PPP3CA: variants seen among roughly 807,000 people sequenced by gnomAD.
The protein encoded by PPP3CA is protein phosphatase 3 catalytic subunit alpha.
A neutral mutation model predicts 66.5 loss-of-function variants in PPP3CA; 14 were observed. That is an observed-to-expected ratio of 0.21 (90% confidence interval 0.14 to 0.33). The LOEUF is 0.33. Ranked by LOEUF, PPP3CA falls within the 10% of genes least tolerant of loss-of-function variation. PPP3CA has a pLI of 1.00. For missense variants in PPP3CA, 317 were observed against 639.5 expected, an observed-to-expected ratio of 0.50 and a Z score of 5.44; for synonymous variants, 232 against 226.2, an observed-to-expected ratio of 1.03 and a Z score of -0.23.
intron 2 of PPP3CA, among the ~76,000 whole-genome samples, chr4:101,124,324 G>T (rs896582158): frequency 5.3e-5 from 8 of 152,000 alleles, no homozygotes; most frequent in Non-Finnish European, 1.2e-4. Flanking sequence ...GAAGTACATA[G>T]AAATAACTAT....
chr4:101,088,441 CTGGTGTGGTGG>C (rs1257933868), intron 6 of PPP3CA, among the ~76,000 whole-genome samples: 3 of 151,546 alleles, frequency 2.0e-5, no homozygotes, highest in African/African-American at 7.3e-5. Context: ...AAAAATTAGC[CTGGTGTGGTGG>C]TGGGCGCCTG....
chr4:101,139,696 G>GTTTTTTTTTTTTTTTTTTTTTT (rs372257350), intron 2 of PPP3CA, among the ~76,000 whole-genome samples: 17 of 98,400 alleles, frequency 1.7e-4, no homozygotes, highest in East Asian at 3.3e-4. Flanking sequence ...TTTTTTTTGT[G>GTTTTTTTTTTTTTTTTTTTTTT]TTTTTTTTTT....
intron 1 of PPP3CA, among the ~76,000 whole-genome samples, chr4:101,228,219 C>G (rs1340944083): frequency 1.3e-5 from 2 of 151,814 alleles, no homozygotes; most frequent in Non-Finnish European, 3.0e-5. Flanking sequence ...AAACAGAACT[C>G]TCTTTGAAAT....
chr4:101,318,478 A>G (rs1335318036), intron 1 of PPP3CA, among the ~76,000 whole-genome samples: 1 of 152,230 alleles, frequency 6.6e-6, no homozygotes, highest in Admixed American at 6.5e-5. Context: ...TTTCAGCCAA[A>G]TTGATAGGCA....
intron 1 of PPP3CA, among the ~76,000 whole-genome samples, chr4:101,308,724 C>T (rs1447032587): frequency 1.3e-5 from 2 of 151,990 alleles, no homozygotes; most frequent in Non-Finnish European, 2.9e-5. Context: ...CCACACCTGG[C>T]CCATAATTAT....
intron 1 of PPP3CA, among the ~76,000 whole-genome samples, chr4:101,295,469 C>A (rs1728174726): frequency 3.9e-5 from 6 of 152,080 alleles, no homozygotes; most frequent in Admixed American, 3.9e-4. Flanking sequence ...AAAATTAGTA[C>A]ACGCATGTTC....
intron 2 of PPP3CA, chr4:101,171,244 A>T (rs1578518003): frequency 2.2e-6 from 1 of 455,828 alleles, no homozygotes; most frequent in Non-Finnish European, 4.4e-6. Context: ...GCAGAGCTCA[A>T]TTCAGACTTA....
chr4:101,221,514 A>C (rs989188824), intron 1 of PPP3CA, among the ~76,000 whole-genome samples: 3 of 151,706 alleles, frequency 2.0e-5, no homozygotes, highest in Non-Finnish European at 4.4e-5. Context: ...GCAAGAATTT[A>C]AAAACAACCA....
At chr4:101,279,382 G>A (rs1468000627) in intron 1 of PPP3CA, among the ~76,000 whole-genome samples, 1 of 152,146 alleles carries the variant, frequency 6.6e-6, no homozygotes, top group East Asian at 1.9e-4. Flanking sequence ...GAGAAAGGCT[G>A]CAGGAGGTCC....
In PPP3CA at chr4:101,156,228, G is replaced by T. The variant is rs540105659; in HGVS notation, c.259+39688C>A. On this transcript the variant is annotated intron_variant, in intron 2 of 13. Transcript: ENST00000394854. ...TCAATCCCTCACTCTGTAACAGAGG[G>T]TGCTTCCACATCTCAACTCAGGGGG... is the stretch of plus-strand genomic sequence containing the variant. 1.5e-3 allele frequency among the ~76,000 whole-genome samples: 235 copies of T among 152,272 alleles called. 1 individual carries two copies. The highest frequency in any genetic ancestry group is 5.4e-3 in the African/African-American group (225 of 41,546).
In PPP3CA at chr4:101,347,263, G is replaced by A. The variant is rs2110350112; in HGVS notation, c.-467C>T. 4.7e-6 allele frequency: 1 copy of A among 212,936 alleles called. No individual in the cohort carries two copies. The highest frequency in any genetic ancestry group is 9.3e-6 in the Non-Finnish European group (1 of 107,682). 13.2% of individuals were successfully genotyped at this position (212,936 alleles called of 1,614,324 possible). A position where few individuals can be genotyped will look rare whatever the true frequency, so the allele number is the denominator to read the frequency against. On this transcript the variant is annotated 5_prime_UTR_variant, in exon 1 of 14. Transcript: ENST00000394854. ...GGGGCGAGGGAGGAGAGGCAGGGCC[G>A]CCGATGTCAGTGCCACCAGCCGCAC...
At chr4:101,070,594 A>G (rs1438651183) in intron 8 of PPP3CA, among the ~76,000 whole-genome samples, 1 of 152,240 alleles carries the variant, frequency 6.6e-6, no homozygotes, top group Non-Finnish European at 1.5e-5. Flanking sequence ...AGATGAAATA[A>G]TCCAATTGCT....
chr4:101,026,350 A>G (rs1306350321), intron 13 of PPP3CA, among the ~76,000 whole-genome samples: 1 of 152,198 alleles, frequency 6.6e-6, no homozygotes, highest in African/African-American at 2.4e-5. Flanking sequence ...AGAAATCCAA[A>G]GTGGACACAT....
intron 2 of PPP3CA, among the ~76,000 whole-genome samples, chr4:101,143,001 A>G (rs1722857583): frequency 2.0e-5 from 3 of 152,104 alleles, no homozygotes; most frequent in African/African-American, 7.2e-5. Flanking sequence ...GTCTCTGGTC[A>G]GTTCTCTTTC....
chr4:101,264,687 T>C (rs970212114), intron 1 of PPP3CA, among the ~76,000 whole-genome samples: 1 of 152,184 alleles, frequency 6.6e-6, no homozygotes, highest in African/African-American at 2.4e-5. Context: ...TGACCTTCAA[T>C]TTCTCACAAT....
intron 3 of PPP3CA, among the ~76,000 whole-genome samples, chr4:101,107,171 C>A (rs1730790936): frequency 6.6e-6 from 1 of 152,166 alleles, no homozygotes; most frequent in African/African-American, 2.4e-5. Flanking sequence ...CTTACTTGTT[C>A]TTTGATTCAG....
chr4:101,250,261 C>G (rs965863460), intron 1 of PPP3CA: 24 of 438,576 alleles, frequency 5.5e-5, no homozygotes, highest in Admixed American at 3.0e-4. Flanking sequence ...TATGAGAATG[C>G]CTAGGATTTA....
Position 101,313,971 on chromosome 4 carries a change from T to C in PPP3CA, c.58+32768A>G, listed in dbSNP as rs368254996. On this transcript the variant is annotated intron_variant, in intron 1 of 13. Transcript: ENST00000394854. ...TCTTCTCTTCTAAGGAGAACTTCAC[T>C]TGAGGGGCAAACACTAGAAGATACA... Among the ~76,000 whole-genome samples, 151 of 152,308 alleles carry C rather than the reference T, an allele frequency of 9.9e-4. 2 individuals are homozygous for C. The highest frequency in any genetic ancestry group is 3.4e-3 in the African/African-American group (142 of 41,566).
intron 2 of PPP3CA, among the ~76,000 whole-genome samples, chr4:101,113,911 G>A (rs893400690): frequency 2.6e-5 from 4 of 152,078 alleles, no homozygotes; most frequent in African/African-American, 9.7e-5. Flanking sequence ...AAATCCTCAG[G>A]AGGCTAGGTC....
Sources: allele counts gnomAD v4.1 joint callset (sites outside exome capture counted in the v4.1 genomes callset), GRCh38; gene constraint gnomAD v4.1.1; transcripts MANE v1.5; gene names NCBI Gene and HGNC (gene_info 2026-07-23, HGNC 2026-07-21).